The following FCHSD2 variants were observed in gnomAD, a reference collection of about 807,000 sequenced individuals.
FCHSD2 encodes FCH and double SH3 domains 2, also known as F-BAR and double SH3 domains protein 2.
In FCHSD2, 38 loss-of-function variants were observed where a neutral mutation model predicts 108.1. The ratio of observed to expected loss-of-function variants is 0.35; its 90% CI spans 0.27 to 0.46. The LOEUF (loss-of-function observed/expected upper bound fraction) is 0.46, where lower values mean the gene tolerates loss of function less well. Ranked by LOEUF, FCHSD2 falls within the 20% of genes least tolerant of loss-of-function variation. The probability of loss-of-function intolerance (pLI) is 1.00; values close to 1 mark genes in which losing one functional copy is unlikely to be tolerated. For synonymous variants in FCHSD2, 279 were observed against 314.7 expected (o/e 0.89, Z 1.20); for missense variants, 751 against 897.8 (o/e 0.84, Z 2.09).
At chr11:72,984,510 TC>T (rs766766973) in intron 7 of FCHSD2, among the ~76,000 whole-genome samples, 4 of 152,210 alleles carry the variant, frequency 2.6e-5, no homozygotes, top group Non-Finnish European at 5.9e-5. Context: ...AAATAAAGGT[TC>T]TGAAATAAGT....
chr11:72,983,998 A>C (rs1857264291), intron 8 of FCHSD2, 90 bp downstream of exon 8: 2 of 1,016,990 alleles, frequency 2.0e-6, no homozygotes, highest in Non-Finnish European at 3.0e-6. Flanking sequence ...CTACTCTTTT[A>C]TAGATTCAAT....
At chr11:72,846,464 G>A (rs1861146632) in intron 14 of FCHSD2, among the ~76,000 whole-genome samples, 1 of 152,164 alleles carries the variant, frequency 6.6e-6, no homozygotes, top group African/African-American at 2.4e-5. Flanking sequence ...ACAGGCGTGA[G>A]CTACCGTGCC....
At chr11:73,063,448 T>C (rs572596770) in intron 3 of FCHSD2, among the ~76,000 whole-genome samples, 1 of 152,262 alleles carries the variant, frequency 6.6e-6, no homozygotes, top group African/African-American at 2.4e-5. Flanking sequence ...ATATTAACCT[T>C]AAATGTAAAT....
intron 2 of FCHSD2, among the ~76,000 whole-genome samples, chr11:73,121,568 T>C (rs373949133): frequency 2.6e-5 from 4 of 151,888 alleles, no homozygotes; most frequent in East Asian, 3.9e-4. Flanking sequence ...AATGAAATAA[T>C]AGATGTTTAA....
At chr11:73,109,202 TC>T (rs1860423161) in intron 2 of FCHSD2, among the ~76,000 whole-genome samples, 1 of 152,216 alleles carries the variant, frequency 6.6e-6, no homozygotes, top group Admixed American at 6.5e-5. Context: ...GGCTAGCTAT[TC>T]TGGGTCTTTT....
chr11:72,879,360 CCAAA>C (rs1288764301), intron 12 of FCHSD2, among the ~76,000 whole-genome samples: 2 of 152,042 alleles, frequency 1.3e-5, no homozygotes, highest in African/African-American at 2.4e-5. Context: ...AACTTAATAA[CCAAA>C]CAGTCACTAT....
rs369948122 is a variant in FCHSD2 at position 73,074,089 on chromosome 11, GA to G, written c.165+9605del. On this transcript the variant is annotated intron_variant, in intron 3 of 19. Transcript: ENST00000409418. Reference sequence around the variant, plus strand: ...AGTACTTAAAACAGTGTGATATCGGGAAAAAAATATTTCAAAGATAGGTCAG... The same window carrying G: ...AGTACTTAAAACAGTGTGATATCGGGAAAAAATATTTCAAAGATAGGTCAG... Among the ~76,000 whole-genome samples the G allele has an allele frequency of 2.6e-4, 39 of 152,066 alleles. No individual in the cohort carries two copies. In the East Asian group the frequency reaches 6.4e-3, roughly 25 times the overall value.
At chr11:72,999,390 G>A (rs568278979) in intron 5 of FCHSD2, among the ~76,000 whole-genome samples, 3 of 144,904 alleles carry the variant, frequency 2.1e-5, no homozygotes, top group Non-Finnish European at 4.5e-5. Flanking sequence ...CACGATCTCA[G>A]CTCACTGCAA....
chr11:72,984,477 T>A (rs939385455), intron 7 of FCHSD2, among the ~76,000 whole-genome samples: 3 of 152,208 alleles, frequency 2.0e-5, no homozygotes, highest in Admixed American at 2.0e-4. Context: ...TTAAAAATAT[T>A]TTGCCCATTT....
chr11:72,841,340 CAAAAAAAA>C (rs59748827), intron 18 of FCHSD2, 106 bp downstream of exon 18: 259 of 373,604 alleles, frequency 6.9e-4, no homozygotes, highest in African/African-American at 2.4e-3. Flanking sequence ...ACTCTGTCTC[CAAAAAAAA>C]AAAAAAAAAA....
At chr11:73,119,290 G>A (rs1330303067) in intron 2 of FCHSD2, among the ~76,000 whole-genome samples, 4 of 148,164 alleles carry the variant, frequency 2.7e-5, no homozygotes, top group East Asian at 2.0e-4. Context: ...ACAACAGAGC[G>A]AGACTCTGCC....
intron 12 of FCHSD2, among the ~76,000 whole-genome samples, chr11:72,869,878 C>A (rs914935893): frequency 3.9e-5 from 6 of 152,060 alleles, no homozygotes; most frequent in African/African-American, 1.4e-4. Flanking sequence ...CATGTTGCTC[C>A]CCAGTTTAAA....
intron 3 of FCHSD2, among the ~76,000 whole-genome samples, chr11:73,042,019 T>C (rs1419218840): frequency 6.6e-6 from 1 of 152,176 alleles, no homozygotes; most frequent in Non-Finnish European, 1.5e-5. Flanking sequence ...CTCTGCTTCC[T>C]GGGTTCAAGT....
intron 9 of FCHSD2, among the ~76,000 whole-genome samples, chr11:72,921,459 C>G (rs747530320): frequency 6.6e-6 from 1 of 152,166 alleles, no homozygotes; most frequent in Admixed American, 6.6e-5. Flanking sequence ...CTTTTCCCTT[C>G]GTGCTCTTTT....
intron 8 of FCHSD2, among the ~76,000 whole-genome samples, chr11:72,949,809 T>C (rs991918436): frequency 6.6e-6 from 1 of 152,212 alleles, no homozygotes; most frequent in Non-Finnish European, 1.5e-5. Flanking sequence ...CACCTTTGGA[T>C]TGTTATGAAT....
chr11:72,888,550 G>T (rs1195720496), intron 11 of FCHSD2, among the ~76,000 whole-genome samples: 1 of 151,998 alleles, frequency 6.6e-6, no homozygotes, highest in Non-Finnish European at 1.5e-5. Flanking sequence ...CAGAAAAAAA[G>T]TACTATACTC....
intron 9 of FCHSD2, among the ~76,000 whole-genome samples, chr11:72,912,482 C>A (rs577892758): frequency 5.1e-4 from 78 of 152,326 alleles, no homozygotes; most frequent in African/African-American, 1.9e-3. Flanking sequence ...TCCACTTGGT[C>A]ATGATGAATA....
intron 5 of FCHSD2, 112 bp from the exon 6 acceptor site, chr11:72,989,209 G>C: frequency 1.3e-6 from 1 of 751,312 alleles, no homozygotes; most frequent in Non-Finnish European, 2.1e-6. Context: ...CAGGGGAAAA[G>C]TCAGTACGTT....
At chr11:73,081,468 C>G (rs1859683778) in intron 3 of FCHSD2, among the ~76,000 whole-genome samples, 1 of 151,994 alleles carries the variant, frequency 6.6e-6, no homozygotes, top group Non-Finnish European at 1.5e-5. Flanking sequence ...TTACAGAAGA[C>G]TGTATCATAT....
Sources: allele counts gnomAD v4.1 joint callset (sites outside exome capture counted in the v4.1 genomes callset), GRCh38; gene constraint gnomAD v4.1.1; transcripts MANE v1.5; gene names NCBI Gene and HGNC (gene_info 2026-07-23, HGNC 2026-07-21).